Variants in COL4A6 observed in about 807,000 individuals in gnomAD.
COL4A6 encodes collagen alpha-6(IV) chain.
COL4A6 carries 59 observed loss-of-function variants against 126.7 expected under a neutral mutation model. The observed-to-expected ratio is 0.47, with a 90% CI of 0.38 to 0.58. The LOEUF is 0.58. COL4A6 is among the 20% of genes least tolerant of loss of function. The pLI is 0.00. For synonymous variants in COL4A6, 547 were observed against 496.6 expected, an observed-to-expected ratio of 1.10 and a Z score of -1.35; for missense variants, 1,285 against 1,337.3, an observed-to-expected ratio of 0.96 and a Z score of 0.61.
chrX:108,394,843 T>A (rs2040927876), intron 2 of COL4A6, among the ~76,000 whole-genome samples: 1 of 111,954 alleles, frequency 8.9e-6, no homozygotes, highest in Admixed American at 9.5e-5. Context: ...AGTCAAAAAG[T>A]AATCTATGGT....
rs555943878 is a variant in COL4A6, at chrX:108,158,027, A to C, written c.4813-767T>G. ...ACACAGGGACTCCTTACTTTGCAGAACTTTGCAAGAGTGAGAGTCTGCATG... is the reference window on the plus strand; with the variant it reads ...ACACAGGGACTCCTTACTTTGCAGACCTTTGCAAGAGTGAGAGTCTGCATG... On this transcript the variant is annotated intron_variant, in intron 44 of 44. Transcript: ENST00000334504. Among the ~76,000 whole-genome samples the C allele has an allele frequency of 1.6e-4, 18 of 111,286 alleles. No homozygotes were observed. In the South Asian group the frequency reaches 6.3e-3, roughly 39 times the overall value.
Position 108,273,979 on chromosome X carries a change from T to A in COL4A6, c.144+36769A>T, listed in dbSNP as rs1482564851. Reference sequence around the variant, plus strand: ...TAGTTTTCTATGGCTGTGTAACAGATTTCCATGAACTTAGCAGCTTAAAAC... The same window carrying A: ...TAGTTTTCTATGGCTGTGTAACAGAATTCCATGAACTTAGCAGCTTAAAAC... On this transcript the variant is annotated intron_variant, in intron 3 of 44. Transcript: ENST00000334504. 4.4e-5 allele frequency among the ~76,000 whole-genome samples: 5 copies of A among 112,483 alleles called. No individual in the cohort carries two copies. The East Asian group carries it at 1.4e-3, about 31-fold the overall frequency.
At chrX:108,223,891 T>C (rs191246134) in intron 3 of COL4A6, among the ~76,000 whole-genome samples, 4 of 110,967 alleles carry the variant, frequency 3.6e-5, no homozygotes, top group Admixed American at 9.5e-5. Context: ...GCAGAGAGGA[T>C]CCAGTCAGGG....
At chrX:108,158,192 T>C (rs1294873424) in intron 44 of COL4A6, among the ~76,000 whole-genome samples, 1 of 113,034 alleles carries the variant, frequency 8.8e-6, no homozygotes, top group East Asian at 2.8e-4. Context: ...TTTTAAACTT[T>C]GCAGATGAAT....
chrX:108,270,462 C>T (rs2037418377), intron 3 of COL4A6, among the ~76,000 whole-genome samples: 1 of 112,340 alleles, frequency 8.9e-6, no homozygotes, highest in Admixed American at 9.4e-5. Context: ...GCCCACTGGT[C>T]CTAGGAAGAG....
intron 3 of COL4A6, among the ~76,000 whole-genome samples, chrX:108,258,542 T>A (rs954562626): frequency 1.8e-5 from 2 of 112,037 alleles, no homozygotes; most frequent in African/African-American, 3.2e-5. Context: ...GATTGGAATC[T>A]TTAAGACACA....
chrX:108,283,617 G>C (rs1356084045), intron 3 of COL4A6, among the ~76,000 whole-genome samples: 5 of 110,081 alleles, frequency 4.5e-5, no homozygotes, highest in Non-Finnish European at 9.5e-5. Context: ...GGGATGCGGG[G>C]AGTGGAATGA....
At chrX:108,177,115 G>A in intron 27 of COL4A6, 104 bp from the exon 28 acceptor site, 1 of 797,110 alleles carries the variant, frequency 1.3e-6, no homozygotes, top group Non-Finnish European at 1.8e-6. Flanking sequence ...GGCTTGTTAG[G>A]TTTTGTAAAT....
At chrX:108,252,885 A>G (rs1158692422) in intron 3 of COL4A6, among the ~76,000 whole-genome samples, 1 of 112,057 alleles carries the variant, frequency 8.9e-6, no homozygotes, top group African/African-American at 3.2e-5. Context: ...CCACATTAAT[A>G]GAATGATGGA....
chrX:108,200,460 A>T (rs1045866322), intron 13 of COL4A6, among the ~76,000 whole-genome samples: 4 of 112,267 alleles, frequency 3.6e-5, no homozygotes, highest in African/African-American at 1.3e-4. Context: ...TATATTTTGT[A>T]AAGAAACTTC....
chrX:108,197,000 A>G (rs2035240066), intron 13 of COL4A6, among the ~76,000 whole-genome samples: 1 of 112,172 alleles, frequency 8.9e-6, no homozygotes, highest in Non-Finnish European at 1.9e-5. Flanking sequence ...TAGGAACTTG[A>G]TGATTTGACC....
chrX:108,305,931 T>C (rs1336165232), intron 3 of COL4A6, among the ~76,000 whole-genome samples: 1 of 112,067 alleles, frequency 8.9e-6, no homozygotes, highest in Non-Finnish European at 1.9e-5. Context: ...AAATTGACAA[T>C]GCCAATCAGA....
chrX:108,433,886 A>C (rs1603237481), intron 2 of COL4A6, among the ~76,000 whole-genome samples: 1 of 112,039 alleles, frequency 8.9e-6, no homozygotes, highest in Non-Finnish European at 1.9e-5. Flanking sequence ...GCTACTCAGG[A>C]GGCTGAGGCA....
chrX:108,299,771 A>G (rs1414638330), intron 3 of COL4A6, among the ~76,000 whole-genome samples: 1 of 112,051 alleles, frequency 8.9e-6, no homozygotes, highest in African/African-American at 3.2e-5. Context: ...GGCTGAGGAT[A>G]AAAGGTGTAA....
chrX:108,392,048 G>A (rs1031311278), intron 2 of COL4A6, among the ~76,000 whole-genome samples: 1 of 112,178 alleles, frequency 8.9e-6, no homozygotes, highest in African/African-American at 3.2e-5. Flanking sequence ...AAATGGCGTG[G>A]AACAACTGGA....
At chrX:108,401,167 A>G (rs2041080593) in intron 2 of COL4A6, among the ~76,000 whole-genome samples, 1 of 111,419 alleles carries the variant, frequency 9.0e-6, no homozygotes, top group African/African-American at 3.2e-5. Context: ...ATATATATTT[A>G]GATATGTGTC....
intron 2 of COL4A6, among the ~76,000 whole-genome samples, chrX:108,360,714 T>G: frequency 9.1e-6 from 1 of 109,611 alleles, no homozygotes; most frequent in East Asian, 2.9e-4. Context: ...TTTTTTGTAT[T>G]TTTAGTAGAG....
Position 108,194,976 on chromosome X carries a change from AT to A in COL4A6, c.948+105del. 5 of 622,367 alleles carry A rather than the reference AT, an allele frequency of 8.0e-6. No homozygotes were observed. In the South Asian group the frequency reaches 1.5e-4, roughly 19 times the overall value. 51.3% of individuals were successfully genotyped at this position (622,367 alleles called of 1,213,427 possible). A position where few individuals can be genotyped will look rare whatever the true frequency, so the allele number is the denominator to read the frequency against. On this transcript the variant is annotated intron_variant, in intron 15 of 44. Transcript: ENST00000334504. ...ATACCAAAAAAAAGGGAGATGAACA[AT>A]TTGCATTATAAGTAATGTCTCCCTT... is the stretch of plus-strand genomic sequence containing the variant.
intron 3 of COL4A6, among the ~76,000 whole-genome samples, chrX:108,238,590 T>C (rs1402840744): frequency 9.2e-6 from 1 of 108,547 alleles, no homozygotes; most frequent in Non-Finnish European, 1.9e-5. Context: ...CATCTCTCTA[T>C]GGATAGACAT....
Sources: allele counts gnomAD v4.1 joint callset (sites outside exome capture counted in the v4.1 genomes callset), GRCh38; gene constraint gnomAD v4.1.1; transcripts MANE v1.5; gene names NCBI Gene and HGNC (gene_info 2026-07-23, HGNC 2026-07-21).